The following KCNN3 variants were observed in gnomAD, a reference collection of about 807,000 sequenced individuals.
KCNN3 encodes the protein potassium calcium-activated channel subfamily N member 3, also known as small conductance calcium-activated potassium channel protein 3.
In KCNN3, 16 loss-of-function variants were observed where a neutral mutation model predicts 62.9. The ratio of observed to expected loss-of-function variants is 0.25; its 90% CI spans 0.17 to 0.39. The LOEUF (loss-of-function observed/expected upper bound fraction) is 0.39. KCNN3 is among the 10% of genes least tolerant of loss of function. KCNN3 has a pLI of 1.00. For missense variants in KCNN3, 599 were observed against 949.4 expected, an observed-to-expected ratio of 0.63 and a Z score of 4.85; for synonymous variants, 370 against 389.2, an observed-to-expected ratio of 0.95 and a Z score of 0.58.
intron 2 of KCNN3, among the ~76,000 whole-genome samples, chr1:154,791,445 G>A (rs1649516500): frequency 6.6e-6 from 1 of 151,996 alleles, no homozygotes; most frequent in African/African-American, 2.4e-5. Context: ...GCTGCCTCCC[G>A]CTGGCTGTGG....
At chr1:154,767,815 G>A (rs1005541464) in intron 3 of KCNN3, among the ~76,000 whole-genome samples, 1 of 152,158 alleles carries the variant, frequency 6.6e-6, no homozygotes, top group African/African-American at 2.4e-5. Flanking sequence ...GCAACCAGGC[G>A]CTGCCCTCCC....
chr1:154,776,082 T>C (rs1225594601), intron 2 of KCNN3, among the ~76,000 whole-genome samples: 1 of 152,190 alleles, frequency 6.6e-6, no homozygotes, highest in Admixed American at 6.5e-5. Flanking sequence ...GGTCCCCAGC[T>C]GCCTCTCAGG....
chr1:154,799,363 G>A (rs1389879938), intron 2 of KCNN3, among the ~76,000 whole-genome samples: 2 of 152,170 alleles, frequency 1.3e-5, no homozygotes, highest in African/African-American at 2.4e-5. Flanking sequence ...TCACACTGTC[G>A]GATTAGGTCA....
chr1:154,742,334 A>C (rs1700838347), intron 3 of KCNN3, among the ~76,000 whole-genome samples: 1 of 152,212 alleles, frequency 6.6e-6, no homozygotes, highest in Admixed American at 6.5e-5. Context: ...AAAGGCCGCA[A>C]AGCTGGCTGG....
chr1:154,742,751 C>T (rs1181530665), intron 3 of KCNN3, among the ~76,000 whole-genome samples: 1 of 152,130 alleles, frequency 6.6e-6, no homozygotes. Context: ...CTCGCGAGGC[C>T]GCGGTGAGGA....
intron 7 of KCNN3, among the ~76,000 whole-genome samples, chr1:154,709,879 G>C (rs919718235): frequency 1.3e-5 from 2 of 152,192 alleles, no homozygotes; most frequent in African/African-American, 4.8e-5. Flanking sequence ...CCAGGCCCCT[G>C]GGTTGTGGCC....
chr1:154,824,427 A>G (rs1651027032), intron 1 of KCNN3, among the ~76,000 whole-genome samples: 1 of 152,218 alleles, frequency 6.6e-6, no homozygotes, highest in Admixed American at 6.5e-5. Flanking sequence ...CTTCACAAGC[A>G]CTTCCTGGTG....
intron 3 of KCNN3, among the ~76,000 whole-genome samples, chr1:154,759,335 C>T (rs941400576): frequency 2.0e-5 from 3 of 152,050 alleles, no homozygotes; most frequent in East Asian, 1.9e-4. Context: ...GGGTCTGCAC[C>T]GGAAATGTAG....
chr1:154,868,732 T>A (rs1653047495), intron 1 of KCNN3, among the ~76,000 whole-genome samples: 1 of 151,966 alleles, frequency 6.6e-6, no homozygotes, highest in African/African-American at 2.4e-5. Context: ...GTCTGCAAAT[T>A]AGACACAGTG....
chr1:154,742,429 C>T (rs1446474152), intron 3 of KCNN3, among the ~76,000 whole-genome samples: 3 of 152,218 alleles, frequency 2.0e-5, no homozygotes, highest in Non-Finnish European at 4.4e-5. Context: ...ATGAACTTAT[C>T]CTCAGTCTTC....
chr1:154,836,663 C>T (rs775161951), intron 1 of KCNN3, among the ~76,000 whole-genome samples: 1 of 152,236 alleles, frequency 6.6e-6, no homozygotes, highest in Non-Finnish European at 1.5e-5. Flanking sequence ...GTCTCACTCT[C>T]CTCACCCACA....
At chr1:154,744,550 C>T (rs971264612) in intron 3 of KCNN3, among the ~76,000 whole-genome samples, 5 of 152,186 alleles carry the variant, frequency 3.3e-5, no homozygotes, top group African/African-American at 1.2e-4. Context: ...CCGGGAGGCT[C>T]TGTATGTGAC....
chr1:154,841,037 C>T (rs898389076), intron 1 of KCNN3, among the ~76,000 whole-genome samples: 3 of 152,160 alleles, frequency 2.0e-5, no homozygotes, highest in Non-Finnish European at 2.9e-5. Flanking sequence ...GGTCAGGCCC[C>T]GACCTAATCA....
intron 1 of KCNN3, among the ~76,000 whole-genome samples, chr1:154,833,802 G>A (rs572013549): frequency 1.3e-5 from 2 of 152,342 alleles, no homozygotes; most frequent in Admixed American, 6.5e-5. Context: ...GGTTTGGGGA[G>A]TGAACATTTC....
intron 2 of KCNN3, among the ~76,000 whole-genome samples, chr1:154,807,991 AG>A (rs1416747931): frequency 1.3e-5 from 2 of 151,480 alleles, no homozygotes; most frequent in Admixed American, 6.6e-5. Flanking sequence ...CCAGTGATTG[AG>A]GGGGGTTCAA....
chr1:154,750,369 GAC>G (rs1261579014), intron 3 of KCNN3, among the ~76,000 whole-genome samples: 1 of 152,218 alleles, frequency 6.6e-6, no homozygotes, highest in Non-Finnish European at 1.5e-5. Context: ...GATATGAAGA[GAC>G]AGATTGCCTT....
At chr1:154,839,497 G>A (rs1005809169) in intron 1 of KCNN3, among the ~76,000 whole-genome samples, 1 of 152,216 alleles carries the variant, frequency 6.6e-6, no homozygotes, top group Admixed American at 6.5e-5. Context: ...TCCCCATGCA[G>A]TGAGACAGCA....
Position 154,859,843 on chromosome 1 carries a change from G to T in KCNN3, c.933+9189C>A, listed in dbSNP as rs1652692373. ...GAGTGTCCTTTAAGCTGACTTTCCT[G>T]TTAATTTGACACTGAGCAGCACTCC... On this transcript the variant is annotated intron_variant, in intron 1 of 7. Coordinates refer to ENST00000271915, the MANE Select transcript of KCNN3 (RefSeq NM_002249.6). 3.1e-6 allele frequency: 5 copies of T among 1,604,164 alleles called. No individual in the cohort carries two copies. The East Asian group carries it at 1.1e-4, about 36-fold the overall frequency.
rs1405303723 is a variant in KCNN3, at chr1:154,704,436, GA to G, written c.*3539del. 6.6e-6 allele frequency: 1 copy of G among 152,196 alleles called. No individual in the cohort carries two copies. The highest frequency in any genetic ancestry group is 1.5e-5 in the Non-Finnish European group (1 of 68,040). 9.4% of individuals were successfully genotyped at this position (152,196 alleles called of 1,614,324 possible). ...ACTTTTATTTGGACTTCAATCTAAG[GA>G]GGAGTGAGCCCCTAGTCTGGTGTAA... On this transcript the variant is annotated 3_prime_UTR_variant, in exon 8 of 8. Transcript: ENST00000271915.
Sources: allele counts gnomAD v4.1 joint callset (sites outside exome capture counted in the v4.1 genomes callset), GRCh38; gene constraint gnomAD v4.1.1; transcripts MANE v1.5; gene names NCBI Gene and HGNC (gene_info 2026-07-23, HGNC 2026-07-21).